DNER: variants seen among roughly 807,000 people sequenced by gnomAD.
The protein encoded by DNER is delta and Notch-like epidermal growth factor-related receptor.
Under a neutral mutation model 78.2 loss-of-function variants are expected in DNER, and 33 were observed. The ratio of observed to expected loss-of-function variants is 0.42; its 90% confidence interval spans 0.32 to 0.56. DNER has a LOEUF of 0.56. DNER is among the 20% of genes least tolerant of loss of function. The probability of loss-of-function intolerance (pLI) is 0.11; values close to 1 mark genes in which losing one functional copy is unlikely to be tolerated. For synonymous variants in DNER, 417 were observed against 384.8 expected, an observed-to-expected ratio of 1.08 and a Z score of -0.98; for missense variants, 918 against 975.3, an observed-to-expected ratio of 0.94 and a Z score of 0.78.
At chr2:229,603,000 A>G (rs572219422) in intron 1 of DNER, among the ~76,000 whole-genome samples, 1 of 152,250 alleles carries the variant, frequency 6.6e-6, no homozygotes, top group African/African-American at 2.4e-5. Flanking sequence ...TTAGGATAGC[A>G]TGACACTGGC....
At chr2:229,700,777 C>T (rs1245830124) in intron 1 of DNER, among the ~76,000 whole-genome samples, 4 of 151,146 alleles carry the variant, frequency 2.6e-5, no homozygotes, top group African/African-American at 4.9e-5. Context: ...AAAAATTAGC[C>T]GGGTATGGTG....
At chr2:229,455,235 A>G (rs565225321) in intron 7 of DNER, among the ~76,000 whole-genome samples, 2 of 152,216 alleles carry the variant, frequency 1.3e-5, no homozygotes, top group South Asian at 4.1e-4. Context: ...TTATAATTCA[A>G]AGAATGCAGA....
At chr2:229,669,154 G>A (rs967925654) in intron 1 of DNER, among the ~76,000 whole-genome samples, 10 of 151,994 alleles carry the variant, frequency 6.6e-5, no homozygotes, top group African/African-American at 2.4e-4. Flanking sequence ...CTCACAAGTG[G>A]GAGTTGAACA....
intron 8 of DNER, among the ~76,000 whole-genome samples, chr2:229,418,943 A>C (rs550847138): frequency 2.6e-5 from 4 of 152,134 alleles, no homozygotes; most frequent in Non-Finnish European, 2.9e-5. Context: ...AAAAGAAAAC[A>C]AAAAGTGTGA....
chr2:229,448,568 G>A (rs1418361066), intron 7 of DNER, among the ~76,000 whole-genome samples: 2 of 152,128 alleles, frequency 1.3e-5, no homozygotes, highest in African/African-American at 4.8e-5. Context: ...ATGTAAGGCT[G>A]TTAACTTTTT....
At chr2:229,618,041 C>T (rs1698195729) in intron 1 of DNER, among the ~76,000 whole-genome samples, 1 of 152,230 alleles carries the variant, frequency 6.6e-6, no homozygotes, top group Admixed American at 6.5e-5. Flanking sequence ...TTGCTACATC[C>T]ATCCAATGGA....
Position 229,446,886 on chromosome 2 carries a change from G to A in DNER, c.1486+430C>T, listed in dbSNP as rs572101110. ...GTATTGCACCGTGCTTTTCATGCAC[G>A]TTAAGATGAAAGAAGATATTCTGTT... On this transcript the variant is annotated intron_variant, in intron 8 of 12. Transcript: ENST00000341772. Among the ~76,000 whole-genome samples, 55 of 152,302 alleles carry A rather than the reference G, an allele frequency of 3.6e-4. No individual in the cohort carries two copies. The South Asian group carries it at 6.0e-3, about 17-fold the overall frequency.
At chr2:229,537,966 T>G (rs1250720863) in intron 5 of DNER, among the ~76,000 whole-genome samples, 1 of 152,174 alleles carries the variant, frequency 6.6e-6, no homozygotes, top group East Asian at 1.9e-4. Context: ...TTCTGTAACG[T>G]AAAATGCAGC....
At chr2:229,485,830 A>AT (rs1261302470) in intron 6 of DNER, among the ~76,000 whole-genome samples, 1 of 152,024 alleles carries the variant, frequency 6.6e-6, no homozygotes, top group Non-Finnish European at 1.5e-5. Flanking sequence ...AAAAAAAAAA[A>AT]TTCTCCTGTG....
At chr2:229,405,378 T>C (rs1164384086) in intron 10 of DNER, among the ~76,000 whole-genome samples, 1 of 152,206 alleles carries the variant, frequency 6.6e-6, no homozygotes, top group African/African-American at 2.4e-5. Flanking sequence ...TATTCTCCTG[T>C]ACCCTGGGAT....
At chr2:229,547,934 A>G (rs1446515297) in intron 4 of DNER, among the ~76,000 whole-genome samples, 1 of 152,200 alleles carries the variant, frequency 6.6e-6, no homozygotes, top group Non-Finnish European at 1.5e-5. Context: ...GGATTAAATT[A>G]TTTTCACTAA....
At chr2:229,531,970 C>A (rs1435013726) in intron 5 of DNER, among the ~76,000 whole-genome samples, 1 of 151,866 alleles carries the variant, frequency 6.6e-6, no homozygotes, top group Non-Finnish European at 1.5e-5. Context: ...AGACAGAATG[C>A]AGATTGGTGG....
chr2:229,587,518 G>A (rs1697524676), intron 3 of DNER, among the ~76,000 whole-genome samples: 4 of 152,164 alleles, frequency 2.6e-5, no homozygotes, highest in Admixed American at 2.6e-4. Flanking sequence ...AAATGGCGAT[G>A]GATACATGGA....
intron 1 of DNER, among the ~76,000 whole-genome samples, chr2:229,667,602 T>A (rs77280329): frequency 0.048 from 7,301 of 152,058 alleles, 398 homozygotes; most frequent in African/African-American, 0.11. Flanking sequence ...TGGGACCTGT[T>A]TATCCCATAG....
chr2:229,583,996 A>G (rs1697450137), intron 4 of DNER, among the ~76,000 whole-genome samples: 1 of 152,236 alleles, frequency 6.6e-6, no homozygotes, highest in African/African-American at 2.4e-5. Context: ...AGAACTTCTC[A>G]TCAGAAGAGG....
At chr2:229,459,732 G>A (rs1206111731) in intron 7 of DNER, among the ~76,000 whole-genome samples, 2 of 151,956 alleles carry the variant, frequency 1.3e-5, no homozygotes, top group Non-Finnish European at 2.9e-5. Context: ...AGTCGAAAAC[G>A]CCGTGCTAGC....
rs557073274 is a variant in DNER, at chr2:229,668,851, C to T, written c.276+45297G>A. Among the ~76,000 whole-genome samples the T allele has an allele frequency of 2.6e-5, 4 of 151,654 alleles. 1 individual carries two copies. The East Asian group carries it at 7.8e-4, about 30-fold the overall frequency. ...TCTAGAACCAGAAATACCATTTGAC[C>T]CAGCAATTCCATTACTGGGTATATA... On this transcript the variant is annotated intron_variant, in intron 1 of 12. Coordinates refer to ENST00000341772, the MANE Select transcript of DNER (RefSeq NM_139072.4).
chr2:229,478,795 AT>A (rs201776869), intron 6 of DNER, among the ~76,000 whole-genome samples: 7 of 151,274 alleles, frequency 4.6e-5, no homozygotes, highest in Admixed American at 1.3e-4. Flanking sequence ...GAATCACCCT[AT>A]TTTTTTTTAA....
At chr2:229,600,556 C>T (rs1394683906) in intron 1 of DNER, among the ~76,000 whole-genome samples, 1 of 152,192 alleles carries the variant, frequency 6.6e-6, no homozygotes, top group Non-Finnish European at 1.5e-5. Flanking sequence ...ACAGAAGAAC[C>T]TTTGGCAAAA....
Sources: gnomAD v4.1 joint callset for allele counts (sites outside exome capture counted in the v4.1 genomes callset) on GRCh38, gnomAD v4.1.1 for gene constraint, MANE v1.5 for transcripts, NCBI Gene and HGNC (gene_info 2026-07-23, HGNC 2026-07-21) for gene names.